QTMAN: variants seen among roughly 807,000 people sequenced by gnomAD.
QTMAN encodes tRNA-queuosine alpha-mannosyltransferase.
At chr2:144,146,577 G>A in the QTMAN span, among the ~76,000 whole-genome samples, 1 of 151,696 alleles carries the variant, frequency 6.6e-6, no homozygotes, top group African/African-American at 2.4e-5. Context: ...AGCTCAGCAG[G>A]ATAAATGCTG....
chr2:143,963,189 CA>C, the QTMAN span, among the ~76,000 whole-genome samples: 1 of 152,084 alleles, frequency 6.6e-6, no homozygotes, highest in Non-Finnish European at 1.5e-5. Context: ...TGTTGTCATA[CA>C]AAATGAGATA....
chr2:144,154,886 C>T, the QTMAN span, among the ~76,000 whole-genome samples: 1 of 152,164 alleles, frequency 6.6e-6, no homozygotes, highest in African/African-American at 2.4e-5. Flanking sequence ...ATCCTAGCCA[C>T]GTGCTTAACA....
chr2:144,152,986 A>C, the QTMAN span, among the ~76,000 whole-genome samples: 11 of 152,356 alleles, frequency 7.2e-5, no homozygotes, highest in South Asian at 6.2e-4. Flanking sequence ...AGAGCAGTGA[A>C]AAACCAGGAA....
the QTMAN span, among the ~76,000 whole-genome samples, chr2:144,240,879 C>A: frequency 6.6e-6 from 1 of 152,186 alleles, no homozygotes; most frequent in Non-Finnish European, 1.5e-5. Context: ...TCACTTAATA[C>A]CCAGTTCTAA....
At chr2:144,286,555 A>G in the QTMAN span, among the ~76,000 whole-genome samples, 1 of 152,240 alleles carries the variant, frequency 6.6e-6, no homozygotes, top group African/African-American at 2.4e-5. Context: ...TTTAAAGATT[A>G]GCGTTAACAT....
the QTMAN span, among the ~76,000 whole-genome samples, chr2:144,170,172 T>C: frequency 6.6e-6 from 1 of 152,222 alleles, no homozygotes; most frequent in Admixed American, 6.5e-5. Flanking sequence ...TAGTCCCTTA[T>C]TATTGGCCAG....
chr2:144,053,092 T>C, the QTMAN span, among the ~76,000 whole-genome samples: 1 of 152,248 alleles, frequency 6.6e-6, no homozygotes, highest in Admixed American at 6.5e-5. Flanking sequence ...AGTGTTTTCA[T>C]GACCAATTAA....
At chr2:144,212,653 T>C in the QTMAN span, among the ~76,000 whole-genome samples, 3 of 152,188 alleles carry the variant, frequency 2.0e-5, no homozygotes, top group African/African-American at 7.2e-5. Flanking sequence ...GGCCACTCCA[T>C]GCTTGCTCCC....
the QTMAN span, among the ~76,000 whole-genome samples, chr2:144,055,232 G>C: frequency 2.3e-4 from 35 of 151,838 alleles, no homozygotes; most frequent in African/African-American, 8.5e-4. Flanking sequence ...TTAATATTCA[G>C]GTAATGGATT....
At chr2:144,053,910 G>A in the QTMAN span, among the ~76,000 whole-genome samples, 2 of 152,178 alleles carry the variant, frequency 1.3e-5, no homozygotes, top group East Asian at 1.9e-4. Flanking sequence ...AAACCTGGCC[G>A]GGCGTGGTGG....
At chr2:144,266,521 G>A in the QTMAN span, among the ~76,000 whole-genome samples, 14 of 152,158 alleles carry the variant, frequency 9.2e-5, no homozygotes, top group African/African-American at 3.1e-4. Context: ...ATCTAGATCA[G>A]TGACTGAGAC....
At chr2:144,312,011 T>G in the QTMAN span, among the ~76,000 whole-genome samples, 1 of 152,136 alleles carries the variant, frequency 6.6e-6, no homozygotes, top group Non-Finnish European at 1.5e-5. Context: ...GAATATATGC[T>G]TTCAAACATA....
the QTMAN span, among the ~76,000 whole-genome samples, chr2:144,327,191 A>G: frequency 6.6e-6 from 1 of 152,190 alleles, no homozygotes; most frequent in East Asian, 1.9e-4. Context: ...AGGTTCCTGG[A>G]GAGAGATGCA....
chr2:144,017,068 G>A, the QTMAN span, among the ~76,000 whole-genome samples: 1 of 151,580 alleles, frequency 6.6e-6, no homozygotes, highest in Admixed American at 6.6e-5. Context: ...ACAGTGGCAC[G>A]ATCCCAGCTC....
the QTMAN span, among the ~76,000 whole-genome samples, chr2:144,313,065 T>A: frequency 6.6e-6 from 1 of 152,168 alleles, no homozygotes; most frequent in Admixed American, 6.5e-5. Context: ...TCATTAAACA[T>A]CCAGACAAAC....
the QTMAN span, among the ~76,000 whole-genome samples, chr2:144,248,138 C>A: frequency 9.9e-5 from 15 of 152,196 alleles, no homozygotes; most frequent in Non-Finnish European, 2.2e-4. Context: ...TAGTAAAACA[C>A]AGAAACAATC....
At chr2:144,121,464 A>C in the QTMAN span, among the ~76,000 whole-genome samples, 2 of 152,188 alleles carry the variant, frequency 1.3e-5, no homozygotes, top group Admixed American at 6.5e-5. Context: ...CGCTGAACAC[A>C]TTCAGTATGT....
At chr2:144,012,498 G>A in the QTMAN span, among the ~76,000 whole-genome samples, 1 of 152,146 alleles carries the variant, frequency 6.6e-6, no homozygotes, top group African/African-American at 2.4e-5. Flanking sequence ...ACTCACAGAG[G>A]TAGTCAGAAG....
chr2:144,320,633 C>G, the QTMAN span, among the ~76,000 whole-genome samples: 3 of 152,194 alleles, frequency 2.0e-5, no homozygotes, highest in African/African-American at 7.2e-5. Flanking sequence ...TTCTGAATTT[C>G]TGCTTTATAT....
Sources: gnomAD v4.1 joint callset for allele counts (sites outside exome capture counted in the v4.1 genomes callset) on GRCh38, gnomAD v4.1.1 for gene constraint, MANE v1.5 for transcripts, NCBI Gene and HGNC (gene_info 2026-07-23, HGNC 2026-07-21) for gene names.